Variants in GALK2 observed in about 807,000 individuals in gnomAD.
GALK2 encodes the protein N-acetylgalactosamine kinase.
Under a neutral mutation model 52.4 loss-of-function variants are expected in GALK2, and 36 were observed. The observed-to-expected ratio is 0.69, with a 90% confidence interval of 0.53 to 0.91. The LOEUF (loss-of-function observed/expected upper bound fraction) is 0.91, where lower values mean the gene tolerates loss of function less well. Ranked by LOEUF, GALK2 falls within the 40% of genes least tolerant of loss-of-function variation. GALK2 has a pLI of 0.00. For missense variants in GALK2, 579 were observed against 559.1 expected, an observed-to-expected ratio of 1.04 and a Z score of -0.36; for synonymous variants, 176 against 199.1, an observed-to-expected ratio of 0.88 and a Z score of 0.98.
chr15:49,199,220 A>T (rs1048020108), intron 1 of GALK2: 5 of 152,004 alleles, frequency 3.3e-5, no homozygotes, highest in Non-Finnish European at 5.9e-5. Flanking sequence ...TTGTTTCACT[A>T]TGTTTTGTAG....
chr15:49,262,269 A>T (rs574119125), intron 5 of GALK2, among the ~76,000 whole-genome samples: 1 of 152,152 alleles, frequency 6.6e-6, no homozygotes, highest in Non-Finnish European at 1.5e-5. Flanking sequence ...CTTTTCAGAG[A>T]TTCAACTTCT....
chr15:49,208,806 T>G (rs1488790733), intron 2 of GALK2, among the ~76,000 whole-genome samples: 1 of 152,214 alleles, frequency 6.6e-6, no homozygotes, highest in Non-Finnish European at 1.5e-5. Flanking sequence ...TTAGGTCTAT[T>G]AGTAATTGTT....
intron 5 of GALK2, among the ~76,000 whole-genome samples, chr15:49,273,382 A>G (rs567531789): frequency 6.6e-6 from 1 of 152,080 alleles, no homozygotes; most frequent in South Asian, 2.1e-4. Context: ...AGCCTGAACC[A>G]TCAGGGTCAT....
chr15:49,169,194 T>C (rs924135971), upstream of GALK2: 1 of 151,910 alleles, frequency 6.6e-6, no homozygotes, highest in South Asian at 2.1e-4. Context: ...CTTACTGATG[T>C]ATACAACTTA....
intron 7 of GALK2, among the ~76,000 whole-genome samples, chr15:49,289,237 A>G (rs1404428387): frequency 1.3e-5 from 2 of 152,212 alleles, no homozygotes; most frequent in Non-Finnish European, 2.9e-5. Context: ...ATAGGCACTC[A>G]GTAGACACTC....
chr15:49,178,159 C>G (rs1254637294), intron 1 of GALK2, among the ~76,000 whole-genome samples: 2 of 84,260 alleles, frequency 2.4e-5, no homozygotes, highest in African/African-American at 5.0e-5. Flanking sequence ...CAGAGCAAGA[C>G]TCTGTTTCAA....
chr15:49,212,621 T>C (rs570095839), intron 2 of GALK2, among the ~76,000 whole-genome samples: 1 of 152,322 alleles, frequency 6.6e-6, no homozygotes, highest in Non-Finnish European at 1.5e-5. Context: ...TTTCTACCTT[T>C]TTGATGTAGG....
intron 7 of GALK2, among the ~76,000 whole-genome samples, chr15:49,290,793 G>A (rs541878133): frequency 4.6e-5 from 7 of 152,264 alleles, no homozygotes; most frequent in South Asian, 4.1e-4. Context: ...TTTGAAATGC[G>A]TTTCTAAGAC....
At chr15:49,316,926 A>G (rs2036467997) in intron 8 of GALK2, among the ~76,000 whole-genome samples, 1 of 152,174 alleles carries the variant, frequency 6.6e-6, no homozygotes, top group South Asian at 2.1e-4. Flanking sequence ...CTAGATGGCA[A>G]GGGACTCACT....
chr15:49,180,886 C>T lies in GALK2; in HGVS notation c.53+10511C>T, dbSNP rs79622514. ...TTTTGATTTATCTTACGGCTCATATCATATTCTGTCATAGCAGGGACTAAA... is the reference window on the plus strand; with the variant it reads ...TTTTGATTTATCTTACGGCTCATATTATATTCTGTCATAGCAGGGACTAAA... On this transcript the variant is annotated intron_variant, in intron 1 of 9. Transcript: ENST00000560031. Among the ~76,000 whole-genome samples, 39 of 152,250 alleles carry T rather than the reference C, an allele frequency of 2.6e-4. No homozygotes were observed. In the East Asian group the frequency reaches 7.0e-3, roughly 27 times the overall value.
chr15:49,170,269 G>A lies in GALK2; in HGVS notation c.-54G>A, dbSNP rs982529810. 261 of 1,554,750 alleles carry A rather than the reference G, an allele frequency of 1.7e-4. No individual in the cohort carries two copies. The highest frequency in any genetic ancestry group is 2.3e-4 in the Admixed American group (12 of 51,198). On this transcript the variant is annotated 5_prime_UTR_variant, in exon 1 of 10. Coordinates refer to ENST00000560031, the MANE Select transcript of GALK2 (RefSeq NM_002044.4). ...GTCACAGAAGTCTCGTGATTGCTCT[G>A]GGAGCTTTGCTTAGACACTTGAAAC...
chr15:49,303,746 T>C (rs2035310997), intron 8 of GALK2, among the ~76,000 whole-genome samples: 1 of 152,176 alleles, frequency 6.6e-6, no homozygotes. Context: ...GGCCTCTTTG[T>C]TTCTGACCCT....
intron 9 of GALK2, among the ~76,000 whole-genome samples, chr15:49,321,485 G>A (rs907865917): frequency 1.3e-5 from 2 of 152,186 alleles, no homozygotes; most frequent in African/African-American, 4.8e-5. Context: ...ATTGCTGTGT[G>A]GGTATAAGAG....
chr15:49,155,830 C>A, exon 1 of GALK2: 2 of 764,398 alleles, frequency 2.6e-6, no homozygotes, highest in Admixed American at 2.5e-5. Context: ...TCCGGTGCTG[C>A]AGGTCTCAGC....
In GALK2 at chr15:49,170,375, G is replaced by C. The variant is rs747641556; in HGVS notation, c.53G>C (p.Arg18Thr). Reference protein sequence around the residue: ...TRRVQVAEHPRLLKLKEMFNS... With the variant: ...TRRVQVAEHPTLLKLKEMFNS... ...CGGGTCCAGGTGGCAGAACATCCTA[G>C]GTGGGGGAGAGGAGACGCCGGGCTT... Residue 18 changes from arginine to threonine, a missense_variant and splice_region_variant, in exon 1 of 10, where the codon AGG (arginine) becomes ACG (threonine). Physicochemically the swap from Arg to Thr is moderately conservative, Grantham distance 71. Coordinates refer to ENST00000560031, the MANE Select transcript of GALK2 (RefSeq NM_002044.4). 6.3e-7 allele frequency: 1 copy of C among 1,589,472 alleles called. No homozygotes were observed. Among genetic ancestry groups the C allele is most frequent in the Non-Finnish European group, 8.6e-7 (1 of 1,168,214 alleles).
chr15:49,300,419 C>T (rs1327992070), intron 8 of GALK2, among the ~76,000 whole-genome samples: 1 of 152,008 alleles, frequency 6.6e-6, no homozygotes, highest in Non-Finnish European at 1.5e-5. Context: ...TTAAGTGGGG[C>T]ATTTAACCTG....
At chr15:49,217,168 A>G in intron 2 of GALK2, 22 bp from the exon 3 acceptor site, 2 of 1,599,320 alleles carry the variant, frequency 1.3e-6, no homozygotes, top group Non-Finnish European at 1.7e-6. Flanking sequence ...CAATGATTAA[A>G]AAAGCTTTCT....
At chr15:49,342,762 T>C (rs1375718493) in intron 3 of GALK2, among the ~76,000 whole-genome samples, 1 of 152,138 alleles carries the variant, frequency 6.6e-6, no homozygotes, top group Non-Finnish European at 1.5e-5. Context: ...GTCTGGAAGA[T>C]TTTATTTCTC....
At chr15:49,261,821 A>C (rs1256628717) in intron 5 of GALK2, among the ~76,000 whole-genome samples, 1 of 152,132 alleles carries the variant, frequency 6.6e-6, no homozygotes, top group East Asian at 1.9e-4. Context: ...ATCTATTGAG[A>C]TAATCATGTG....
Sources: gnomAD v4.1 joint callset for allele counts (sites outside exome capture counted in the v4.1 genomes callset) on GRCh38, gnomAD v4.1.1 for gene constraint, MANE v1.5 for transcripts, NCBI Gene and HGNC (gene_info 2026-07-23, HGNC 2026-07-21) for gene names.